Variants in SHBG observed in about 807,000 individuals in gnomAD.
SHBG encodes the protein sex hormone binding globulin.
SHBG carries 37 observed loss-of-function variants against 41.9 expected under a neutral mutation model. That is an observed-to-expected ratio of 0.88 (90% CI 0.68 to 1.16). SHBG has a LOEUF of 1.16. Ranked by LOEUF, SHBG falls within the 50% of genes most tolerant of loss-of-function variation. SHBG has a pLI of 0.00. For synonymous variants in SHBG, 217 were observed against 205.8 expected (o/e 1.05, Z -0.47); for missense variants, 466 against 499.9 (o/e 0.93, Z 0.65).
rs748649911 is a variant in SHBG at position 7,633,348 on chromosome 17, A to C, written c.1205A>C (p.His402Pro). 8 of 1,613,732 alleles carry C rather than the reference A, an allele frequency of 5.0e-6. No homozygotes were observed. In the South Asian group the frequency reaches 8.8e-5, roughly 18 times the overall value. The change falls in exon 8 of 8, where the codon CAT becomes CCT. Residue 402 changes from histidine (H) to proline (P), a missense_variant. Physicochemically the swap from His to Pro is moderately conservative, Grantham distance 77 (BLOSUM62 -2). Transcript: ENST00000380450. Reference sequence around the variant, plus strand: ...CCAGGCAATGGCACTGACGCTTCCCATTAAAGCTCCACCTAAGAACCCCCT... The same window carrying C: ...CCAGGCAATGGCACTGACGCTTCCCCTTAAAGCTCCACCTAAGAACCCCCT... Reference protein sequence around the residue: ...QSPGNGTDASH With the variant: ...QSPGNGTDASP
Position 7,631,963 on chromosome 17 carries a change from C to G in SHBG, c.800C>G (p.Ala267Gly). The G allele has an allele frequency of 6.2e-7, 1 of 1,614,034 alleles. No homozygotes were observed. The highest frequency in any genetic ancestry group is 8.5e-7 in the Non-Finnish European group (1 of 1,180,004). Reference sequence around the variant, plus strand: ...GCAGCAGGCTCAGGCCACCTCCTTGCTCTTGGGACACCAGAGAACCCATCT... The same window carrying G: ...GCAGCAGGCTCAGGCCACCTCCTTGGTCTTGGGACACCAGAGAACCCATCT... Reference protein sequence around the residue: ...KQAAGSGHLLALGTPENPSWL... With the variant: ...KQAAGSGHLLGLGTPENPSWL... The change falls in exon 6 of 8, where the codon GCT becomes GGT. Residue 267 changes from alanine (A) to glycine (G), a missense_variant. Ala to Gly is a moderately conservative substitution (Grantham distance 60). Coordinates refer to ENST00000380450, the MANE Select transcript of SHBG (RefSeq NM_001040.5).
At chr17:7,627,165 A>C (rs1052798654), upstream of SHBG, 25 of 1,614,014 alleles carry the variant, frequency 1.5e-5, no homozygotes, top group African/African-American at 2.7e-5. The surrounding 1 kb of genome is among the most constrained non-coding windows in gnomAD (Gnocchi z 4.8). Context: ...CGGGCGCTGG[A>C]AGAATCTCTG....
rs559562443 is a variant in SHBG, at chr17:7,632,948, G to C, written c.1049G>C (p.Gly350Ala). The C allele has an allele frequency of 5.3e-5, 86 of 1,613,692 alleles. 1 individual carries two copies. In the South Asian group the frequency reaches 9.2e-4, roughly 17 times the overall value. The stretch of plus-strand genomic sequence containing the variant: ...AAGCCTCAAGGGCGTCTCTTCCTGG[G>C]GGCTTTACCAGGTAAGAGAGAATGA... ...WAKPQGRLFL[G>A]ALPGEDSSTS... The change falls in exon 7 of 8, where the codon GGG (glycine) becomes GCG (alanine). Residue 350 changes from glycine to alanine, a missense_variant. By Grantham distance (60) the Gly-to-Ala change is moderately conservative. Coordinates refer to ENST00000380450, the MANE Select transcript of SHBG (RefSeq NM_001040.5).
At chr17:7,629,846 C>T (rs140488517), upstream of SHBG, among the ~76,000 whole-genome samples, 166 of 152,200 alleles carry the variant, frequency 1.1e-3, no homozygotes, top group Non-Finnish European at 1.6e-3. Context: ...GCAGGCTCCC[C>T]GAGTGGACAG....
At chr17:7,627,951 C>A (rs1367702674), upstream of SHBG, 1 of 541,484 alleles carries the variant, frequency 1.8e-6, no homozygotes, top group Admixed American at 2.3e-5. This position sits in a 1 kb window ranked among gnomAD's most constrained non-coding sequence, Gnocchi z 4.8. Flanking sequence ...CAAGCCCCAC[C>A]CCCGACAGCT....
chr17:7,614,925 C>A (rs2150951872), intron 1 of SHBG: 1 of 153,166 alleles, frequency 6.5e-6, no homozygotes, highest in African/African-American at 2.4e-5. Flanking sequence ...CCGCCCGCTG[C>A]GCGCGGGGCC....
rs1262087825 is a variant in SHBG at position 7,631,689 on chromosome 17, T to C, written c.656T>C (p.Val219Ala). 1.9e-6 allele frequency: 3 copies of C among 1,614,032 alleles called. No individual in the cohort carries two copies. Among genetic ancestry groups the C allele is most frequent in the Non-Finnish European group, 2.5e-6 (3 of 1,180,006 alleles). The change falls in exon 5 of 8, where the codon GTA (valine) becomes GCA (alanine). Residue 219 changes from valine to alanine, a missense_variant. By Grantham distance (64) the Val-to-Ala change is moderately conservative. Transcript: ENST00000380450. The part of the protein sequence containing the change: ...SAPTSLRSCD[V>A]ESNPGIFLPP... ...CCCACTAGCCTCAGAAGCTGTGATG[T>C]AGAATCAAATCCCGGGATATTTCTC...
At chr17:7,627,313 C>T (rs1002375114), upstream of SHBG, 22 of 1,612,496 alleles carry the variant, frequency 1.4e-5, no homozygotes, top group Non-Finnish European at 1.7e-5. The surrounding 1 kb of genome is among the most constrained non-coding windows in gnomAD (Gnocchi z 4.8). Flanking sequence ...GGGAACCCAT[C>T]CCTCATTTCC....
chr17:7,616,436 T>A (rs1319612200), intron 1 of SHBG, among the ~76,000 whole-genome samples: 3 of 103,630 alleles, frequency 2.9e-5, no homozygotes, highest in African/African-American at 4.1e-5. Flanking sequence ...TGAAACCCCA[T>A]CTCAACTAAA....
intron 7 of SHBG, 85 bp from the exon 8 acceptor site, chr17:7,633,119 T>C: frequency 1.3e-6 from 2 of 1,541,052 alleles, no homozygotes; most frequent in Non-Finnish European, 1.8e-6. Flanking sequence ...CAAACTCAGG[T>C]TGGAGGAGTG....
At chr17:7,618,841 C>G (rs2072039181) in intron 1 of SHBG, among the ~76,000 whole-genome samples, 1 of 152,120 alleles carries the variant, frequency 6.6e-6, no homozygotes, top group Non-Finnish European at 1.5e-5. Context: ...GATCGCCTCT[C>G]TGGACTGGAG....
chr17:7,621,200 C>T (rs1260721728), intron 1 of SHBG, among the ~76,000 whole-genome samples: 2 of 135,754 alleles, frequency 1.5e-5, no homozygotes, highest in South Asian at 2.4e-4. Flanking sequence ...TTGATCGCCA[C>T]GTGGGCAAAT....
chr17:7,630,748 C>G lies in SHBG; in HGVS notation c.272C>G (p.Pro91Arg), dbSNP rs1414042276. Residue 91 changes from proline to arginine, a missense_variant, in exon 3 of 8, where the codon CCT (proline) becomes CGT (arginine). By Grantham distance (103) the Pro-to-Arg change is moderately radical. Coordinates refer to ENST00000380450, the MANE Select transcript of SHBG (RefSeq NM_001040.5). This position sits in a 1 kb window ranked among gnomAD's most constrained non-coding sequence, Gnocchi z 4.6. The stretch of plus-strand genomic sequence containing the variant: ...GTGATTTTTTATGGGGATACCAACC[C>G]TAAGGATGACTGGTTTATGCTGGGA... The part of the protein sequence containing the change: ...EGVIFYGDTN[P>R]KDDWFMLGLR... 4 of 1,613,956 alleles carry G rather than the reference C, an allele frequency of 2.5e-6. No individual in the cohort carries two copies. Among genetic ancestry groups the G allele is most frequent in the Middle Eastern group, 1.6e-4 (1 of 6,082 alleles).
upstream of SHBG, chr17:7,626,769 A>G: frequency 1.9e-6 from 3 of 1,613,906 alleles, no homozygotes; most frequent in Non-Finnish European, 2.5e-6. Context: ...CACCTTTTTG[A>G]TTATTTTGGA....
In SHBG at chr17:7,631,827, C is replaced by T. The variant is rs1400739569; in HGVS notation, c.716-52C>T. ...GTCCCCCTCTACCACTGGCCCCTTT[C>T]CTCCTTGAGACCCCAGCTTTGAGGC... On this transcript the variant is annotated intron_variant, in intron 5 of 7. Transcript: ENST00000380450. 13 of 1,613,506 alleles carry T rather than the reference C, an allele frequency of 8.1e-6. No individual in the cohort carries two copies. In the Admixed American group the frequency reaches 2.2e-4, roughly 27 times the overall value.
At chr17:7,623,611 C>T (rs1038432039), upstream of SHBG, among the ~76,000 whole-genome samples, 14 of 152,144 alleles carry the variant, frequency 9.2e-5, no homozygotes, top group Admixed American at 8.5e-4. Flanking sequence ...GCATTTGCCA[C>T]CAAGCTCGGC....
chr17:7,622,246 A>G (rs1006054580), intron 1 of SHBG, among the ~76,000 whole-genome samples: 1 of 151,252 alleles, frequency 6.6e-6, no homozygotes, highest in Non-Finnish European at 1.5e-5. Flanking sequence ...ACCCCACTCC[A>G]ATCAGCCCCA....
chr17:7,614,982 C>T (rs1224682793), intron 1 of SHBG: 2 of 152,672 alleles, frequency 1.3e-5, no homozygotes, highest in African/African-American at 4.8e-5. Context: ...CAGCTAGCGC[C>T]AGCTAGCGCA....
intron 1 of SHBG, among the ~76,000 whole-genome samples, chr17:7,622,460 A>G (rs2072115406): frequency 6.6e-6 from 1 of 151,602 alleles, no homozygotes; most frequent in Non-Finnish European, 1.5e-5. Context: ...TTTAGTAGAG[A>G]CAGGGTTTCA....
Sources: gnomAD v4.1 joint callset for allele counts (sites outside exome capture counted in the v4.1 genomes callset) on GRCh38, gnomAD v4.1.1 for gene constraint, Gnocchi (gnomAD v3.1) non-coding constraint, MANE v1.5 for transcripts, NCBI Gene and HGNC (gene_info 2026-07-23, HGNC 2026-07-21) for gene names.